The following KRTAP5-3 variants were observed in gnomAD, a reference collection of about 807,000 sequenced individuals.
KRTAP5-3 encodes keratin associated protein 5-3, also known as keratin-associated protein 5-3.
In KRTAP5-3, 1 loss-of-function variant was observed where a neutral mutation model predicts 2.3. The ratio of observed to expected loss-of-function variants is 0.44; its 90% confidence interval spans 0.16 to 2.10. KRTAP5-3 has a LOEUF of 2.10. KRTAP5-3 is among the 30% of genes most tolerant of loss of function. The pLI is 0.28. For missense variants in KRTAP5-3, 229 were observed against 291.4 expected (o/e 0.79, Z 1.56); for synonymous variants, 92 against 117.6 (o/e 0.78, Z 1.41).
Position 1,607,858 on chromosome 11 carries a change from G to A in KRTAP5-3, c.528C>T (p.Cys176=), listed in dbSNP as rs1400834918. 1 of 1,587,366 alleles carries A rather than the reference G, an allele frequency of 6.3e-7. No homozygotes were observed. Among genetic ancestry groups the A allele is most frequent in the South Asian group, 1.1e-5 (1 of 89,710 alleles). ...SQSSCCKPCC[C]SSGCGSSCCQ... is the part of the protein sequence containing the mutation. The stretch of plus-strand genomic sequence containing the variant: ...AGCAGGATGACCCACAGCCTGAGGA[G>A]CAGCAGCAGGGCTTACAGCAGCTGG... Residue 176 remains cysteine, a synonymous_variant, in exon 1 of 1, where the codon TGC becomes TGT. Transcript: ENST00000399685.
chr11:1,608,078 G>C lies in KRTAP5-3; in HGVS notation c.308C>G (p.Ser103Cys), dbSNP rs1171842628. Residue 103 changes from serine to cysteine, a missense_variant, in exon 1 of 1, where the codon TCC (serine) becomes TGC (cysteine). This residue lies in a region of KRTAP5-3 where 190 missense variants were observed against 207.6 expected (regional missense o/e 0.92). Coordinates refer to ENST00000399685, the MANE Select transcript of KRTAP5-3 (RefSeq NM_001012708.2). Reference sequence around the variant, plus strand: ...ACAGACCCCCTTGGAACCCCCACAGGAGCCACAGCTGGAGGAGCAGCAGAC... The same window carrying C: ...ACAGACCCCCTTGGAACCCCCACAGCAGCCACAGCTGGAGGAGCAGCAGAC... ...VPVCCSSSCGSCGGSKGVCGF... is the reference protein window; with the variant it reads ...VPVCCSSSCGCCGGSKGVCGF... The C allele has an allele frequency of 6.3e-7, 1 of 1,597,570 alleles. No homozygotes were observed. Among genetic ancestry groups the C allele is most frequent in the African/African-American group, 1.4e-5 (1 of 69,190 alleles).
At position 1,607,789 on chromosome 11, in the gene KRTAP5-3, G is replaced by A. The variant is rs763740346; in HGVS notation, c.597C>T (p.Cys199=). The change falls in exon 1 of 1, where the codon TGC becomes TGT. Residue 199 remains cysteine, a synonymous_variant. Coordinates refer to ENST00000399685, the MANE Select transcript of KRTAP5-3 (RefSeq NM_001012708.2). ...CCKPCCSQSS[C]CKPCCCSSGC... ...CTGAGGAGCAGCAGCAGGGCTTACA[G>A]CAGCTGGACTGGGAACAGCAGGGTT... 1.3e-6 allele frequency: 2 copies of A among 1,558,176 alleles called. No individual in the cohort carries two copies. The highest frequency in any genetic ancestry group is 1.3e-5 in the African/African-American group (1 of 74,316).
In KRTAP5-3 at chr11:1,608,159, C is replaced by A. The variant is rs7125826; in HGVS notation, c.227G>T (p.Gly76Val). 3.1e-6 allele frequency: 5 copies of A among 1,604,632 alleles called. No homozygotes were observed. The highest frequency in any genetic ancestry group is 2.2e-5 in the East Asian group (1 of 44,554). ...VCGSCGGCKG[G>V]CGSCGGSKGG... ...CTTGGAGCCTCCACAGGAGCCACAGCCCCCCTTGCAGCCCCCACAAGAGCC... is the reference window on the plus strand; with the variant it reads ...CTTGGAGCCTCCACAGGAGCCACAGACCCCCTTGCAGCCCCCACAAGAGCC... The change falls in exon 1 of 1, where the codon GGC becomes GTC. Residue 76 changes from glycine (G) to valine (V), a missense_variant. Coordinates refer to ENST00000399685, the MANE Select transcript of KRTAP5-3 (RefSeq NM_001012708.2).
In KRTAP5-3 at chr11:1,608,359, G is replaced by T. The variant is rs751588287; in HGVS notation, c.27C>A (p.Gly9=). ...CACAGCCCCCACAGCTGGAGCCACA[G>T]CCTCCAGAGCAGCCAGAGCAGCCCA... MGCSGCSG[G]CGSSCGGCGS... The change falls in exon 1 of 1, where the codon GGC becomes GGA. Residue 9 remains glycine, a synonymous_variant. Coordinates refer to ENST00000399685, the MANE Select transcript of KRTAP5-3 (RefSeq NM_001012708.2). 1.9e-5 allele frequency: 31 copies of T among 1,612,558 alleles called. No individual in the cohort carries two copies. The highest frequency in any genetic ancestry group is 5.0e-5 in the Admixed American group (3 of 60,002).
At position 1,607,618 on chromosome 11, in the gene KRTAP5-3, T is replaced by C; in HGVS notation, c.*51A>G. 4 of 1,613,522 alleles carry C rather than the reference T, an allele frequency of 2.5e-6. No individual in the cohort carries two copies. Among genetic ancestry groups the C allele is most frequent in the Non-Finnish European group, 2.5e-6 (3 of 1,179,620 alleles). ...GGAATTCAGGACACAGCTGCAATCA[T>C]TCCTGGAGAGCCCGGATCTGTAGGA... On this transcript the variant is annotated 3_prime_UTR_variant, in exon 1 of 1. Coordinates refer to ENST00000399685, the MANE Select transcript of KRTAP5-3 (RefSeq NM_001012708.2).
rs1849429514 is a variant in KRTAP5-3, at chr11:1,607,780, G to A, written c.606C>T (p.Pro202=). Residue 202 remains proline (P), a synonymous_variant, in exon 1 of 1, where the codon CCC becomes CCT. Coordinates refer to ENST00000399685, the MANE Select transcript of KRTAP5-3 (RefSeq NM_001012708.2). The part of the protein sequence containing the change: ...PCCSQSSCCK[P]CCCSSGCGSS... ...ACCCACAGCCTGAGGAGCAGCAGCA[G>A]GGCTTACAGCAGCTGGACTGGGAAC... 1 of 1,561,970 alleles carries A rather than the reference G, an allele frequency of 6.4e-7. No homozygotes were observed. The highest frequency in any genetic ancestry group is 1.3e-5 in the African/African-American group (1 of 74,140).
In KRTAP5-3 at chr11:1,607,798, C is replaced by G; in HGVS notation, c.588G>C (p.Gln196His). The G allele has an allele frequency of 6.4e-7, 1 of 1,558,200 alleles. No homozygotes were observed. The highest frequency in any genetic ancestry group is 8.7e-7 in the Non-Finnish European group (1 of 1,144,504). ...QSSCCKPCCSQSSCCKPCCCS... is the reference protein window; with the variant it reads ...QSSCCKPCCSHSSCCKPCCCS... ...AGCAGCAGGGCTTACAGCAGCTGGA[C>G]TGGGAACAGCAGGGTTTGCAGCAGC... The change falls in exon 1 of 1, where the codon CAG (glutamine) becomes CAC (histidine). Residue 196 changes from glutamine to histidine, a missense_variant. Gln to His is a conservative substitution (Grantham distance 24). This residue lies in a region of KRTAP5-3 where 39 missense variants were observed against 83.8 expected (regional missense o/e 0.47). Transcript: ENST00000399685.
At position 1,607,979 on chromosome 11, in the gene KRTAP5-3, C is replaced by T. The variant is rs769521092; in HGVS notation, c.407G>A (p.Cys136Tyr). The change falls in exon 1 of 1, where the codon TGC becomes TAC. Residue 136 changes from cysteine (C) to tyrosine (Y), a missense_variant. Physicochemically the swap from Cys to Tyr is radical, Grantham distance 194. Around this residue, in one of 2 missense-constraint regions of KRTAP5-3, gnomAD observed 190 missense variants for 207.6 expected, o/e 0.92. Coordinates refer to ENST00000399685, the MANE Select transcript of KRTAP5-3 (RefSeq NM_001012708.2). ...CSQCSCYKPCCCSSGCGSSCC... is the reference protein window; with the variant it reads ...CSQCSCYKPCYCSSGCGSSCC... ...GGATGACCCACAGCCTGAGGAGCAG[C>T]AGCAGGGCTTATAGCAGCTGCACTG... The T allele has an allele frequency of 1.9e-6, 3 of 1,613,906 alleles. No individual in the cohort carries two copies. The South Asian group carries it at 3.3e-5, about 18-fold the overall frequency.
rs775341109 is a variant in KRTAP5-3, at chr11:1,607,921, G to A, written c.465C>T (p.Cys155=). 7.5e-6 allele frequency: 12 copies of A among 1,610,696 alleles called. No homozygotes were observed. The Admixed American group carries it at 8.4e-5, about 11-fold the overall frequency. ...AGGGCTTACAGCAGCTGGACTGGGA[G>A]CAGCTGGGCTTGCAGCAGCTGGACT... The part of the protein sequence containing the change: ...CCQSSCCKPS[C]SQSSCCKPCC... The change falls in exon 1 of 1, where the codon TGC becomes TGT. Residue 155 remains cysteine (C), a synonymous_variant. Coordinates refer to ENST00000399685, the MANE Select transcript of KRTAP5-3 (RefSeq NM_001012708.2).
Position 1,608,006 on chromosome 11 carries a change from G to C in KRTAP5-3, c.380C>G (p.Ser127Cys), listed in dbSNP as rs765653938. The C allele has an allele frequency of 4.3e-6, 7 of 1,613,542 alleles. No individual in the cohort carries two copies. Among genetic ancestry groups the C allele is most frequent in the Non-Finnish European group, 5.9e-6 (7 of 1,179,780 alleles). ...SKGGCGSCGC[S>C]QCSCYKPCCC... The stretch of plus-strand genomic sequence containing the variant: ...GCAGGGCTTATAGCAGCTGCACTGG[G>C]AGCAGCCACAAGAACCGCAGCCCCC... Residue 127 changes from serine to cysteine, a missense_variant, in exon 1 of 1, where the codon TCC (serine) becomes TGC (cysteine). Ser to Cys is a moderately radical substitution (Grantham distance 112). Around this residue, in one of 2 missense-constraint regions of KRTAP5-3, gnomAD observed 190 missense variants for 207.6 expected, o/e 0.92. Coordinates refer to ENST00000399685, the MANE Select transcript of KRTAP5-3 (RefSeq NM_001012708.2).
Position 1,607,915 on chromosome 11 carries a change from C to T in KRTAP5-3, c.471G>A (p.Gln157=). 1 of 1,611,388 alleles carries T rather than the reference C, an allele frequency of 6.2e-7. No homozygotes were observed. Among genetic ancestry groups the T allele is most frequent in the Non-Finnish European group, 8.5e-7 (1 of 1,178,262 alleles). Residue 157 remains glutamine (Q), a synonymous_variant, in exon 1 of 1, where the codon CAG becomes CAA. Coordinates refer to ENST00000399685, the MANE Select transcript of KRTAP5-3 (RefSeq NM_001012708.2). ...AACAGCAGGGCTTACAGCAGCTGGA[C>T]TGGGAGCAGCTGGGCTTGCAGCAGC... ...QSSCCKPSCS[Q]SSCCKPCCSQ...
Position 1,608,122 on chromosome 11 carries a change from G to A in KRTAP5-3, c.264C>T (p.Gly88=), listed in dbSNP as rs1293763875. The change falls in exon 1 of 1, where the codon GGC becomes GGT. Residue 88 remains glycine, a synonymous_variant. Transcript: ENST00000399685. ...AGCAGACGGGCACACAGCAGCTGGAGCCACAGCCCCCCTTGGAGCCTCCAC... is the reference window on the plus strand; with the variant it reads ...AGCAGACGGGCACACAGCAGCTGGAACCACAGCCCCCCTTGGAGCCTCCAC... The part of the protein sequence containing the change: ...GSCGGSKGGC[G]SSCCVPVCCS... 4 of 1,596,150 alleles carry A rather than the reference G, an allele frequency of 2.5e-6. No individual in the cohort carries two copies. The African/African-American group carries it at 4.3e-5, about 17-fold the overall frequency.
chr11:1,607,892 C>G lies in KRTAP5-3; in HGVS notation c.494G>C (p.Cys165Ser). ...CSQSSCCKPC[C>S]SQSSCCKPCC... ...GGGCTTACAGCAGCTGGACTGGGAA[C>G]AGCAGGGCTTACAGCAGCTGGACTG... The change falls in exon 1 of 1, where the codon TGT (cysteine) becomes TCT (serine). Residue 165 changes from cysteine (C) to serine (S), a missense_variant. Physicochemically the swap from Cys to Ser is moderately radical, Grantham distance 112. Around this residue, in one of 2 missense-constraint regions of KRTAP5-3, gnomAD observed 190 missense variants for 207.6 expected, o/e 0.92. Transcript: ENST00000399685. 1 of 1,611,260 alleles carries G rather than the reference C, an allele frequency of 6.2e-7. No individual in the cohort carries two copies. The highest frequency in any genetic ancestry group is 8.5e-7 in the Non-Finnish European group (1 of 1,178,218).
chr11:1,607,748 C>A lies in KRTAP5-3; in HGVS notation c.638G>T (p.Cys213Phe), dbSNP rs1203557598. The A allele has an allele frequency of 6.4e-7, 1 of 1,572,294 alleles. No individual in the cohort carries two copies. Among genetic ancestry groups the A allele is most frequent in the Admixed American group, 1.7e-5 (1 of 58,156 alleles). Reference protein sequence around the residue: ...CCCSSGCGSSCCQSSCCKPCS... With the variant: ...CCCSSGCGSSFCQSSCCKPCS... The stretch of plus-strand genomic sequence containing the variant: ...GGGCTTGCAGCAGCTGGACTGGCAG[C>A]AGGATGACCCACAGCCTGAGGAGCA... The change falls in exon 1 of 1, where the codon TGC (cysteine) becomes TTC (phenylalanine). Residue 213 changes from cysteine (C) to phenylalanine (F), a missense_variant. Around this residue, in one of 2 missense-constraint regions of KRTAP5-3, gnomAD observed 39 missense variants for 83.8 expected, o/e 0.47. Coordinates refer to ENST00000399685, the MANE Select transcript of KRTAP5-3 (RefSeq NM_001012708.2).
In KRTAP5-3 at chr11:1,608,389, T is replaced by C; in HGVS notation, c.-4A>G. ...CAGAGCAGCCAGAGCAGCCCATGGT[T>C]CTGGTGGGTTGAGGGTGGAGCAGGT... On this transcript the variant is annotated 5_prime_UTR_variant, in exon 1 of 1. Coordinates refer to ENST00000399685, the MANE Select transcript of KRTAP5-3 (RefSeq NM_001012708.2). 1 of 1,611,810 alleles carries C rather than the reference T, an allele frequency of 6.2e-7. No individual in the cohort carries two copies. The highest frequency in any genetic ancestry group is 8.5e-7 in the Non-Finnish European group (1 of 1,179,658).
Position 1,607,718 on chromosome 11 carries a change from G to A in KRTAP5-3, c.668C>T (p.Ser223Phe), listed in dbSNP as rs117085626. ...TGGGACACAGCAGCTGGACTGGGAG[G>A]AGCAGGGCTTGCAGCAGCTGGACTG... ...CCQSSCCKPCSSQSSCCVPIC... is the reference protein window; with the variant it reads ...CCQSSCCKPCFSQSSCCVPIC... Residue 223 changes from serine (S) to phenylalanine (F), a missense_variant, in exon 1 of 1, where the codon TCC becomes TTC. Ser to Phe is a radical substitution (Grantham distance 155). Coordinates refer to ENST00000399685, the MANE Select transcript of KRTAP5-3 (RefSeq NM_001012708.2). The A allele has an allele frequency of 0.074, 110,280 of 1,483,738 alleles. 10,309 individuals carry two copies. Among genetic ancestry groups the A allele is most frequent in the Middle Eastern group, 0.094 (542 of 5,794 alleles). The allele number at this position is 1,483,738 out of a possible 1,614,324, so 91.9% of individuals were successfully genotyped here. A position where few individuals can be genotyped will look rare whatever the true frequency, so the allele number is the denominator to read the frequency against.
chr11:1,608,252 A>T lies in KRTAP5-3; in HGVS notation c.134T>A (p.Val45Glu), dbSNP rs944629390. The change falls in exon 1 of 1, where the codon GTG becomes GAG. Residue 45 changes from valine to glutamate, a missense_variant. By Grantham distance (121) the Val-to-Glu change is moderately radical. This residue lies in a region of KRTAP5-3 where 190 missense variants were observed against 207.6 expected (regional missense o/e 0.92). Transcript: ENST00000399685. ...GGAACAGGCTGGCACACAGCAGCAC[A>T]CGGGCTTGCAGCAGCAGACAGGTAC... ...CCVPVCCCKP[V>E]CCCVPACSCS... 4 of 1,475,580 alleles carry T rather than the reference A, an allele frequency of 2.7e-6. No individual in the cohort carries two copies. The highest frequency in any genetic ancestry group is 3.6e-6 in the Non-Finnish European group (4 of 1,098,978). The allele number at this position is 1,475,580 out of a possible 1,614,324, so 91.4% of individuals were successfully genotyped here.
chr11:1,608,364 C>T lies in KRTAP5-3; in HGVS notation c.22G>A (p.Gly8Arg), dbSNP rs780819810. 16 of 1,612,492 alleles carry T rather than the reference C, an allele frequency of 9.9e-6. No individual in the cohort carries two copies. In the South Asian group the frequency reaches 1.8e-4, roughly 18 times the overall value. MGCSGCS[G>R]GCGSSCGGCG... ...CCCCCACAGCTGGAGCCACAGCCTC[C>T]AGAGCAGCCAGAGCAGCCCATGGTT... is the stretch of plus-strand genomic sequence containing the variant. The change falls in exon 1 of 1, where the codon GGA (glycine) becomes AGA (arginine). Residue 8 changes from glycine to arginine, a missense_variant. Physicochemically the swap from Gly to Arg is moderately radical, Grantham distance 125. Coordinates refer to ENST00000399685, the MANE Select transcript of KRTAP5-3 (RefSeq NM_001012708.2).
Position 1,607,840 on chromosome 11 carries a change from T to A in KRTAP5-3, c.546A>T (p.Ser182=). 6.3e-7 allele frequency: 1 copy of A among 1,596,144 alleles called. No individual in the cohort carries two copies. Among genetic ancestry groups the A allele is most frequent in the South Asian group, 1.1e-5 (1 of 89,720 alleles). The change falls in exon 1 of 1, where the codon TCA becomes TCT. Residue 182 remains serine, a synonymous_variant. Coordinates refer to ENST00000399685, the MANE Select transcript of KRTAP5-3 (RefSeq NM_001012708.2). ...KPCCCSSGCG[S]SCCQSSCCKP... ...TGCAGCAGCTGGACTGGCAGCAGGATGACCCACAGCCTGAGGAGCAGCAGC... is the reference window on the plus strand; with the variant it reads ...TGCAGCAGCTGGACTGGCAGCAGGAAGACCCACAGCCTGAGGAGCAGCAGC...
Sources: allele counts gnomAD v4.1 joint callset, GRCh38; gene constraint gnomAD v4.1.1; regional missense constraint gnomAD v4.1.1; transcripts MANE v1.5; gene names NCBI Gene and HGNC (gene_info 2026-07-23, HGNC 2026-07-21).